The following WWOX variants were observed in gnomAD, a reference collection of about 807,000 sequenced individuals.
The protein encoded by WWOX is WW domain-containing oxidoreductase.
Under a neutral mutation model 46.2 loss-of-function variants are expected in WWOX, and 69 were observed. The observed-to-expected ratio is 1.49, with a 90% CI of 1.23 to 1.82. WWOX has a LOEUF of 1.82. WWOX is among the 40% of genes most tolerant of loss of function. The probability of loss-of-function intolerance (pLI) is 0.00; values close to 1 mark genes in which losing one functional copy is unlikely to be tolerated. For missense variants in WWOX, 919 were observed against 542.6 expected (o/e 1.69, Z -6.89); for synonymous variants, 359 against 202.6 (o/e 1.77, Z -6.56).
At position 78,590,146 on chromosome 16, in the gene WWOX, G is replaced by GTCTCTCTCTCTCTCTCTC. The variant is rs58692243; in HGVS notation, c.1056+157411_1056+157412insCTCTCTCTCTCTCTCTCT. Among the ~76,000 whole-genome samples the GTCTCTCTCTCTCTCTCTC allele has an allele frequency of 3.8e-3, 570 of 149,718 alleles. 3 individuals are homozygous for GTCTCTCTCTCTCTCTCTC. The highest frequency in any genetic ancestry group is 0.011 in the African/African-American group (450 of 40,584). On this transcript the variant is annotated intron_variant, in intron 8 of 8. Coordinates refer to ENST00000566780, the MANE Select transcript of WWOX (RefSeq NM_016373.4). Reference sequence around the variant, plus strand: ...ATGTCTGATAGATATTAGGCATTCAGTCTCTCTCTCTCTCTCTGTTTATTA... The same window carrying GTCTCTCTCTCTCTCTCTC: ...ATGTCTGATAGATATTAGGCATTCAGTCTCTCTCTCTCTCTCTCTCTCTCTCTCTCTCTCTGTTTATTA...
intron 5 of WWOX, among the ~76,000 whole-genome samples, chr16:78,364,687 C>T (rs1017185431): frequency 1.3e-5 from 2 of 151,954 alleles, no homozygotes; most frequent in Admixed American, 1.3e-4. Flanking sequence ...CATAATTTGT[C>T]ACTTTGTAAA....
intron 5 of WWOX, among the ~76,000 whole-genome samples, chr16:78,371,987 G>C (rs2081701196): frequency 6.6e-6 from 1 of 152,186 alleles, no homozygotes; most frequent in Admixed American, 6.5e-5. Flanking sequence ...AGACATGTGA[G>C]TGTTTTATGG....
intron 8 of WWOX, among the ~76,000 whole-genome samples, chr16:78,730,507 G>A (rs552021651): frequency 4.6e-5 from 7 of 151,864 alleles, no homozygotes; most frequent in African/African-American, 1.5e-4. Context: ...GCTGGAGTGC[G>A]ATGGCACCAT....
At chr16:78,434,319 C>T (rs28463484) in intron 8 of WWOX, among the ~76,000 whole-genome samples, 3,106 of 152,266 alleles carry the variant, frequency 0.02, 44 homozygotes, top group African/African-American at 0.043. Context: ...ATGAAACTTA[C>T]CTGTAGGTGG....
intron 5 of WWOX, among the ~76,000 whole-genome samples, chr16:78,277,777 G>T (rs1417364665): frequency 6.6e-6 from 1 of 152,208 alleles, no homozygotes; most frequent in East Asian, 1.9e-4. Context: ...CCCCGGGTGT[G>T]AAGGAAAGCG....
At chr16:78,255,884 C>T (rs917019298) in intron 5 of WWOX, among the ~76,000 whole-genome samples, 3 of 152,168 alleles carry the variant, frequency 2.0e-5, no homozygotes, top group African/African-American at 7.2e-5. Context: ...TGGCTCGCGC[C>T]TGTAATCTCA....
chr16:78,478,495 G>A (rs2084407249), intron 8 of WWOX, among the ~76,000 whole-genome samples: 1 of 152,144 alleles, frequency 6.6e-6, no homozygotes. Context: ...CCACAAAACA[G>A]GGCCAGGTGT....
At chr16:79,026,254 T>C (rs563811622) in intron 8 of WWOX, among the ~76,000 whole-genome samples, 3 of 151,774 alleles carry the variant, frequency 2.0e-5, no homozygotes, top group Non-Finnish European at 4.4e-5. Context: ...TGTGCTTTAG[T>C]CACCCTACCC....
At chr16:79,043,377 G>C (rs536342163) in intron 8 of WWOX, among the ~76,000 whole-genome samples, 88 of 152,144 alleles carry the variant, frequency 5.8e-4, no homozygotes, top group Non-Finnish European at 1.2e-3. Context: ...ATTTTGATTT[G>C]TTCTTTGTGG....
intron 8 of WWOX, among the ~76,000 whole-genome samples, chr16:78,634,473 C>T (rs552737118): frequency 3.3e-5 from 5 of 152,022 alleles, no homozygotes; most frequent in Admixed American, 2.0e-4. Context: ...TTTGGGAGGG[C>T]GAGGCGGGCA....
chr16:78,304,278 A>G (rs1001644172), intron 5 of WWOX, among the ~76,000 whole-genome samples: 3 of 152,048 alleles, frequency 2.0e-5, no homozygotes, highest in Non-Finnish European at 4.4e-5. Context: ...TTTACTTTCT[A>G]CCTTTTTGAA....
intron 8 of WWOX, among the ~76,000 whole-genome samples, chr16:79,210,025 A>T (rs188980811): frequency 6.6e-6 from 1 of 152,340 alleles, no homozygotes; most frequent in East Asian, 1.9e-4. Context: ...ACCAGCTACT[A>T]TTAAGTTCAA....
rs533425451 is a variant in WWOX, at chr16:78,536,841, C to G, written c.1056+104089C>G. Reference sequence around the variant, plus strand: ...TGTGTAGCTTCATCATAGATCTCAGCTTAAGGACAATGAAAGTCGTTTATT... The same window carrying G: ...TGTGTAGCTTCATCATAGATCTCAGGTTAAGGACAATGAAAGTCGTTTATT... On this transcript the variant is annotated intron_variant, in intron 8 of 8. Transcript: ENST00000566780. Among the ~76,000 whole-genome samples, 99 of 150,506 alleles carry G rather than the reference C, an allele frequency of 6.6e-4. 1 individual carries two copies. Among genetic ancestry groups the G allele is most frequent in the African/African-American group, 2.0e-3 (82 of 40,988 alleles).
chr16:79,005,339 G>C (rs948465501), intron 8 of WWOX, among the ~76,000 whole-genome samples: 1 of 152,136 alleles, frequency 6.6e-6, no homozygotes, highest in South Asian at 2.1e-4. Flanking sequence ...TACTCCCCAG[G>C]CTAAGCACAG....
At chr16:79,104,784 C>T (rs1484318212) in intron 8 of WWOX, among the ~76,000 whole-genome samples, 1 of 152,100 alleles carries the variant, frequency 6.6e-6, no homozygotes, top group Non-Finnish European at 1.5e-5. Flanking sequence ...GCCAAGAATG[C>T]ACGCTGGGAA....
At chr16:78,467,612 A>G (rs2084112668) in intron 8 of WWOX, among the ~76,000 whole-genome samples, 1 of 152,224 alleles carries the variant, frequency 6.6e-6, no homozygotes, top group Non-Finnish European at 1.5e-5. Flanking sequence ...CATTAAGTGG[A>G]GAAAAATCTT....
chr16:78,446,999 T>G (rs2083575648), intron 8 of WWOX, among the ~76,000 whole-genome samples: 1 of 152,186 alleles, frequency 6.6e-6, no homozygotes, highest in Non-Finnish European at 1.5e-5. Flanking sequence ...CCTGTGCTTT[T>G]CTTTGTTATA....
chr16:78,392,197 A>C (rs1449201739), intron 6 of WWOX, among the ~76,000 whole-genome samples: 1 of 151,706 alleles, frequency 6.6e-6, no homozygotes, highest in Non-Finnish European at 1.5e-5. Context: ...GCTCTCTGTC[A>C]CTCTCATTAG....
intron 5 of WWOX, among the ~76,000 whole-genome samples, chr16:78,213,843 C>CT (rs1354861775): frequency 6.6e-6 from 1 of 152,130 alleles, no homozygotes; most frequent in African/African-American, 2.4e-5. Flanking sequence ...TATTCGGTGC[C>CT]TGAGTGACAA....
Sources: allele counts gnomAD v4.1 joint callset (sites outside exome capture counted in the v4.1 genomes callset), GRCh38; gene constraint gnomAD v4.1.1; transcripts MANE v1.5; gene names NCBI Gene and HGNC (gene_info 2026-07-23, HGNC 2026-07-21).